WFS1: variants seen among roughly 807,000 people sequenced by gnomAD.
The protein encoded by WFS1 is wolframin.
Under a neutral mutation model 68.5 loss-of-function variants are expected in WFS1, and 90 were observed. That is an observed-to-expected ratio of 1.31 (90% CI 1.11 to 1.56). The LOEUF is 1.56. Ranked by LOEUF, WFS1 falls within the 40% of genes most tolerant of loss-of-function variation. The probability of loss-of-function intolerance (pLI) is 0.00; values close to 1 mark genes in which losing one functional copy is unlikely to be tolerated. For missense variants in WFS1, 1,767 were observed against 1,232.6 expected, an observed-to-expected ratio of 1.43 and a Z score of -6.49; for synonymous variants, 860 against 540.7, an observed-to-expected ratio of 1.59 and a Z score of -8.19.
chr4:6,289,015 G>A lies in WFS1; in HGVS notation c.344G>A (p.Gly115Asp). 6.2e-7 allele frequency: 1 copy of A among 1,608,580 alleles called. No homozygotes were observed. The highest frequency in any genetic ancestry group is 8.5e-7 in the Non-Finnish European group (1 of 1,177,918). ...EVGKHYLQLA[G>D]DTDEELNSCT... is the part of the protein sequence containing the mutation. ...GGGAAGCACTACCTGCAGTTGGCCG[G>A]CGACACGGATGAAGAACTCAACAGC... The change falls in exon 4 of 8, where the codon GGC becomes GAC. Residue 115 changes from glycine to aspartate, a missense_variant. Transcript: ENST00000226760.
At position 6,273,614 on chromosome 4, in the gene WFS1, G is replaced by GCCGGTCTT. The variant is rs532541738; in HGVS notation, c.-6+3604_-6+3611dup. Among the ~76,000 whole-genome samples, 26 of 152,320 alleles carry GCCGGTCTT rather than the reference G, an allele frequency of 1.7e-4. No homozygotes were observed. The East Asian group carries it at 2.3e-3, about 14-fold the overall frequency. On this transcript the variant is annotated intron_variant, in intron 1 of 7. Coordinates refer to ENST00000226760, the MANE Select transcript of WFS1 (RefSeq NM_006005.3). ...TGCTTAACGTATTCCTGGCAAGGCA[G>GCCGGTCTT]CCGGTCTTCCGAGTGGATAAGCTGC...
At chr4:6,278,957 G>A (rs2109108972) in intron 2 of WFS1, among the ~76,000 whole-genome samples, 1 of 152,342 alleles carries the variant, frequency 6.6e-6, no homozygotes, top group South Asian at 2.1e-4. Context: ...GTGTGTTTCA[G>A]ATAAGAAGAG....
rs373905832 is a variant in WFS1, at chr4:6,270,495, G to A, written c.-6+481G>A. Among the ~76,000 whole-genome samples the A allele has an allele frequency of 5.3e-5, 8 of 152,228 alleles. No homozygotes were observed. The East Asian group carries it at 7.8e-4, about 15-fold the overall frequency. On this transcript the variant is annotated intron_variant, in intron 1 of 7. Transcript: ENST00000226760. ...GGGGAAGGGGGGTTCAGTCCCCCAG[G>A]GGGACCCGGCCCGCCCGAGGGGCAG...
At chr4:6,294,896 C>T (rs1730582771) in intron 6 of WFS1, 145 bp from the exon 7 acceptor site, 4 of 1,403,712 alleles carry the variant, frequency 2.8e-6, no homozygotes, top group African/African-American at 2.8e-5. Context: ...CTCAGGCCGC[C>T]CAGGGAAGGG....
chr4:6,301,512 C>T lies in WFS1; in HGVS notation c.1717C>T (p.Leu573=), dbSNP rs749172015. 2 of 1,613,688 alleles carry T rather than the reference C, an allele frequency of 1.2e-6. No individual in the cohort carries two copies. Among genetic ancestry groups the T allele is most frequent in the Non-Finnish European group, 8.5e-7 (1 of 1,179,930 alleles). Residue 573 remains leucine, a synonymous_variant, in exon 8 of 8, where the codon CTG becomes TTG. Transcript: ENST00000226760. ...YFLFLFALPI[L]VAGLALVGVL... ...CCTCTTCCTCTTTGCCCTCCCCATC[C>T]TGGTGGCCGGCCTGGCCCTGGTGGG...
intron 7 of WFS1, among the ~76,000 whole-genome samples, chr4:6,296,295 C>T (rs1400594602): frequency 6.6e-6 from 1 of 152,216 alleles, no homozygotes; most frequent in Non-Finnish European, 1.5e-5. Flanking sequence ...AGCCCTGCTG[C>T]AGGGACTCGG....
rs76577786 is a variant in WFS1 at position 6,301,547 on chromosome 4, G to A, written c.1752G>A (p.Gln584=). 35 of 1,613,964 alleles carry A rather than the reference G, an allele frequency of 2.2e-5. No individual in the cohort carries two copies. The African/African-American group carries it at 2.5e-4, about 12-fold the overall frequency. Residue 584 remains glutamine (Q), a synonymous_variant, in exon 8 of 8, where the codon CAG becomes CAA. Coordinates refer to ENST00000226760, the MANE Select transcript of WFS1 (RefSeq NM_006005.3). ...VAGLALVGVL[Q]FARWFTSLEL... ...GCCTGGCCCTGGTGGGCGTGCTGCA[G>A]TTCGCCCGGTGGTTCACGTCTCTGG...
In WFS1 at chr4:6,287,310, C is replaced by A; in HGVS notation, c.315+135C>A. The A allele has an allele frequency of 1.3e-6, 1 of 763,804 alleles. No individual in the cohort carries two copies. Among genetic ancestry groups the A allele is most frequent in the Non-Finnish European group, 2.3e-6 (1 of 443,744 alleles). 47.3% of individuals were successfully genotyped at this position (763,804 alleles called of 1,614,324 possible). A position where few individuals can be genotyped will look rare whatever the true frequency, so the allele number is the denominator to read the frequency against. On this transcript the variant is annotated intron_variant, in intron 3 of 7. Transcript: ENST00000226760. The surrounding 1 kb of genome is among the most constrained non-coding windows in gnomAD (Gnocchi z 6.4). The stretch of plus-strand genomic sequence containing the variant: ...AGGAGCCAGCGTGGTGCACCCTACC[C>A]CACTTGAGCCCCATGTTGGTAGGGT...
At position 6,302,477 on chromosome 4, in the gene WFS1, C is replaced by G. The variant is rs71537669; in HGVS notation, c.*9C>G. The G allele has an allele frequency of 6.2e-7, 1 of 1,612,284 alleles. No homozygotes were observed. The highest frequency in any genetic ancestry group is 8.5e-7 in the Non-Finnish European group (1 of 1,180,014). On this transcript the variant is annotated 3_prime_UTR_variant, in exon 8 of 8. Coordinates refer to ENST00000226760, the MANE Select transcript of WFS1 (RefSeq NM_006005.3). ...TCCTGTCGGCGGCCTGAGGATGGTC[C>G]GCCACGAGGAGCTTCCAGTGCATGT... is the stretch of plus-strand genomic sequence containing the variant.
In WFS1 at chr4:6,291,383, C is replaced by T; in HGVS notation, c.631+16C>T. On this transcript the variant is annotated intron_variant, in intron 5 of 7. Coordinates refer to ENST00000226760, the MANE Select transcript of WFS1 (RefSeq NM_006005.3). ...AACGAGCACGGTGCGAGGATTCACC[C>T]TGGGCACCAGCCTTCCCTGGGCGCC... The T allele has an allele frequency of 1.2e-6, 2 of 1,610,858 alleles. No homozygotes were observed. The highest frequency in any genetic ancestry group is 1.7e-6 in the Non-Finnish European group (2 of 1,179,910).
chr4:6,292,069 T>C (rs1229643711), intron 6 of WFS1, 72 bp downstream of exon 6: 2 of 1,465,964 alleles, frequency 1.4e-6, no homozygotes, highest in African/African-American at 2.8e-5. Flanking sequence ...CTCCTTCCTG[T>C]GCGACTCCAT....
At chr4:6,277,339 G>A in intron 1 of WFS1, 112 bp from the exon 2 acceptor site, 1 of 1,001,426 alleles carries the variant, frequency 1.0e-6, no homozygotes, top group South Asian at 1.4e-5. Context: ...CCTGTATGGA[G>A]TGTCTGGCAG....
At chr4:6,298,478 CGTTTATTTGCT>C (rs527660503) in intron 7 of WFS1, among the ~76,000 whole-genome samples, 255 of 149,984 alleles carry the variant, frequency 1.7e-3, no homozygotes, top group Non-Finnish European at 2.7e-3. Context: ...CTGCTTTAAT[CGTTTATTTGCT>C]TGTTATAAAA....
chr4:6,301,246 T>A lies in WFS1; in HGVS notation c.1451T>A (p.Leu484His). 1 of 1,611,580 alleles carries A rather than the reference T, an allele frequency of 6.2e-7. No homozygotes were observed. Among genetic ancestry groups the A allele is most frequent in the Non-Finnish European group, 8.5e-7 (1 of 1,180,016 alleles). ...TTGAATTGGCCCTACCTGAAGGTCCTTGGCCAGACCTTCATCACCGTGCCT... is the reference window on the plus strand; with the variant it reads ...TTGAATTGGCCCTACCTGAAGGTCCATGGCCAGACCTTCATCACCGTGCCT... ...MPLNWPYLKV[L>H]GQTFITVPVG... is the part of the protein sequence containing the mutation. The change falls in exon 8 of 8, where the codon CTT (leucine) becomes CAT (histidine). Residue 484 changes from leucine to histidine, a missense_variant. Transcript: ENST00000226760.
At chr4:6,279,041 C>G (rs1055242867) in intron 2 of WFS1, among the ~76,000 whole-genome samples, 2 of 152,158 alleles carry the variant, frequency 1.3e-5, no homozygotes, top group African/African-American at 4.8e-5. Flanking sequence ...CTGGGCGCCG[C>G]CTGACAGCCC....
chr4:6,286,448 C>T (rs951263354), intron 2 of WFS1, among the ~76,000 whole-genome samples: 1 of 152,202 alleles, frequency 6.6e-6, no homozygotes, highest in Admixed American at 6.5e-5. Context: ...TGATCTTGGA[C>T]TTCCCAGTCT....
chr4:6,297,548 A>G (rs550025819), intron 7 of WFS1, among the ~76,000 whole-genome samples: 1 of 152,316 alleles, frequency 6.6e-6, no homozygotes, highest in African/African-American at 2.4e-5. Context: ...CGACACGGGA[A>G]CATTTTTGCC....
intron 1 of WFS1, among the ~76,000 whole-genome samples, chr4:6,274,131 C>G (rs1019944198): frequency 1.3e-5 from 2 of 151,972 alleles, no homozygotes; most frequent in Non-Finnish European, 2.9e-5. Flanking sequence ...ACTGCAAGCT[C>G]CATCTCCTGG....
rs200733585 is a variant in WFS1 at position 6,295,204 on chromosome 4, C to A, written c.861+15C>A. 166 of 1,610,862 alleles carry A rather than the reference C, an allele frequency of 1.0e-4. 2 individuals carry two copies. In the South Asian group the frequency reaches 1.6e-3, roughly 15 times the overall value. ...TGCGTCTGAAGGTGAGTGACCAAGA[C>A]CCCGGTCAGGCCGGAGCCTGCCTCC... On this transcript the variant is annotated intron_variant, in intron 7 of 7. Coordinates refer to ENST00000226760, the MANE Select transcript of WFS1 (RefSeq NM_006005.3).
Sources: allele counts gnomAD v4.1 joint callset (sites outside exome capture counted in the v4.1 genomes callset), GRCh38; gene constraint gnomAD v4.1.1; non-coding constraint Gnocchi (gnomAD v3.1); transcripts MANE v1.5; gene names NCBI Gene and HGNC (gene_info 2026-07-23, HGNC 2026-07-21).